The following WDR25 variants were observed in gnomAD, a reference collection of about 807,000 sequenced individuals.
WDR25 encodes the protein WD repeat domain 25.
WDR25 carries 35 observed loss-of-function variants against 47.7 expected under a neutral mutation model. The ratio of observed to expected loss-of-function variants is 0.73; its 90% confidence interval spans 0.56 to 0.97. WDR25 has a LOEUF of 0.97. Ranked by LOEUF, WDR25 falls within the 50% of genes least tolerant of loss-of-function variation. The pLI, the probability that WDR25 is intolerant of heterozygous loss-of-function variation, is 0.00. For synonymous variants in WDR25, 248 were observed against 278.9 expected, an observed-to-expected ratio of 0.89 and a Z score of 1.10; for missense variants, 634 against 704.7, an observed-to-expected ratio of 0.90 and a Z score of 1.14.
In WDR25 at chr14:100,529,807, T is replaced by TG. The variant is rs1354975705; in HGVS notation, c.1414-13_1414-12insG. The TG allele has an allele frequency of 6.2e-7, 1 of 1,609,586 alleles. No individual in the cohort carries two copies. The highest frequency in any genetic ancestry group is 8.5e-7 in the Non-Finnish European group (1 of 1,179,072). On this transcript the variant is annotated splice_polypyrimidine_tract_variant and intron_variant, in intron 6 of 6. Coordinates refer to ENST00000402312, the MANE Select transcript of WDR25 (RefSeq NM_001161476.3). This position sits in a 1 kb window ranked among gnomAD's most constrained non-coding sequence, Gnocchi z 5.1. ...AGGTGCGGCTTGCTCACCCACTGTG[T>TG]CCCTCTCTGCAGGTGGAGGGCTACT...
intron 4 of WDR25, among the ~76,000 whole-genome samples, chr14:100,484,463 G>GGT (rs5810998): frequency 5.5e-4 from 83 of 150,252 alleles, no homozygotes; most frequent in South Asian, 4.9e-3. Context: ...ACAGAGAATT[G>GGT]GTGTGTGTGT....
intron 2 of WDR25, chr14:100,382,134 C>T (rs1233315464): frequency 1.4e-6 from 1 of 702,978 alleles, no homozygotes; most frequent in Non-Finnish European, 2.6e-6. Context: ...GTGCTGGTTT[C>T]AAGGGCTGTT....
intron 2 of WDR25, among the ~76,000 whole-genome samples, chr14:100,459,890 G>GTA (rs1279755565): frequency 0.085 from 4,024 of 47,484 alleles, 366 homozygotes; most frequent in African/African-American, 0.29. Context: ...ATATGTGTGT[G>GTA]TGTGTATATA....
At chr14:100,396,220 C>G (rs1897257400) in intron 2 of WDR25, among the ~76,000 whole-genome samples, 1 of 152,146 alleles carries the variant, frequency 6.6e-6, no homozygotes, top group Non-Finnish European at 1.5e-5. Context: ...TTGTGATCCA[C>G]CTGCCTCAGC....
chr14:100,521,941 C>T lies in WDR25; in HGVS notation c.1102-3929C>T, dbSNP rs373443826. ...GCCACCTAACAAGGGTGTTGCAAAACTTTGGGATTTTGTTAATTTGATAGG... is the reference window on the plus strand; with the variant it reads ...GCCACCTAACAAGGGTGTTGCAAAATTTTGGGATTTTGTTAATTTGATAGG... On this transcript the variant is annotated intron_variant, in intron 4 of 6. Coordinates refer to ENST00000402312, the MANE Select transcript of WDR25 (RefSeq NM_001161476.3). Among the ~76,000 whole-genome samples, 83 of 152,294 alleles carry T rather than the reference C, an allele frequency of 5.4e-4. 2 individuals are homozygous for T. The East Asian group carries it at 0.011, about 20-fold the overall frequency.
chr14:100,381,561 G>A lies in WDR25; in HGVS notation c.637G>A (p.Val213Met), dbSNP rs544294755. ...PAGRAPAPLY[V>M]GPGVSEFIQP... Reference sequence around the variant, plus strand: ...AGGGCGTGCCCCAGCCCCTCTCTACGTGGGCCCGGGAGTGTCTGAGTTTAT... The same window carrying A: ...AGGGCGTGCCCCAGCCCCTCTCTACATGGGCCCGGGAGTGTCTGAGTTTAT... The change falls in exon 2 of 7, where the codon GTG becomes ATG. Residue 213 changes from valine (V) to methionine (M), a missense_variant. Val to Met is a conservative substitution (Grantham distance 21). Transcript: ENST00000402312. 1.2e-5 allele frequency: 19 copies of A among 1,609,728 alleles called. No individual in the cohort carries two copies. The highest frequency in any genetic ancestry group is 1.1e-4 in the East Asian group (5 of 44,672).
intron 2 of WDR25, among the ~76,000 whole-genome samples, chr14:100,416,290 G>A (rs1897866352): frequency 6.6e-6 from 1 of 152,174 alleles, no homozygotes; most frequent in Non-Finnish European, 1.5e-5. Context: ...AATCGTAGAT[G>A]CCCAAATTGT....
chr14:100,396,678 GGGA>G (rs1486419771), intron 2 of WDR25, among the ~76,000 whole-genome samples: 2 of 152,244 alleles, frequency 1.3e-5, no homozygotes, highest in Non-Finnish European at 2.9e-5. Flanking sequence ...CAGCTGCCCA[GGGA>G]GGAGATGAAG....
chr14:100,384,078 C>T lies in WDR25; in HGVS notation c.822+2332C>T, dbSNP rs1307882739. On this transcript the variant is annotated intron_variant, in intron 2 of 6. Coordinates refer to ENST00000402312, the MANE Select transcript of WDR25 (RefSeq NM_001161476.3). ...ACACTGGCATGGGCCCCTTGGGCTG[C>T]CAGGCAGCTTCTGGGGAGCCCCACC... Among the ~76,000 whole-genome samples the T allele has an allele frequency of 5.3e-5, 8 of 152,214 alleles. No homozygotes were observed. The East Asian group carries it at 1.5e-3, about 29-fold the overall frequency.
intron 2 of WDR25, among the ~76,000 whole-genome samples, chr14:100,444,564 GGCCC>G (rs1898770822): frequency 6.6e-6 from 1 of 151,666 alleles, no homozygotes; most frequent in African/African-American, 2.4e-5. Flanking sequence ...CCAGGCCCCA[GGCCC>G]CAGGCCCCAC....
rs1898124652 is a variant in WDR25 at position 100,424,878 on chromosome 14, G to C, written c.822+43132G>C. On this transcript the variant is annotated intron_variant, in intron 2 of 6. Transcript: ENST00000402312. The surrounding 1 kb of genome is among the most constrained non-coding windows in gnomAD (Gnocchi z 4.2). ...CTCAACAAGGTGATGCCTTTCCCAG[G>C]ACATGTGCTCCTGTTGCCCTGCCCC... is the stretch of plus-strand genomic sequence containing the variant. Among the ~76,000 whole-genome samples the C allele has an allele frequency of 6.6e-6, 1 of 152,288 alleles. No homozygotes were observed. Among genetic ancestry groups the C allele is most frequent in the East Asian group, 1.9e-4 (1 of 5,186 alleles).
chr14:100,527,620 G>T (rs2030251370), intron 5 of WDR25, among the ~76,000 whole-genome samples: 1 of 152,214 alleles, frequency 6.6e-6, no homozygotes, highest in African/African-American at 2.4e-5. Flanking sequence ...GAGCTGGAGG[G>T]GCACGTCTGG....
chr14:100,403,553 T>C (rs1897444315), intron 2 of WDR25, among the ~76,000 whole-genome samples: 1 of 152,216 alleles, frequency 6.6e-6, no homozygotes, highest in South Asian at 2.1e-4. Flanking sequence ...CGCAGGGCTG[T>C]TGTGTATGGT....
chr14:100,464,791 A>G (rs1899562391), intron 2 of WDR25, among the ~76,000 whole-genome samples: 2 of 72,130 alleles, frequency 2.8e-5, no homozygotes. Context: ...ATCTCATCTC[A>G]TCTCATCTCA....
intron 2 of WDR25, among the ~76,000 whole-genome samples, chr14:100,448,140 A>C (rs1408178307): frequency 1.4e-5 from 2 of 147,242 alleles, no homozygotes; most frequent in East Asian, 4.1e-4. Flanking sequence ...GGTTGTGGTG[A>C]GCCGAGATCG....
At chr14:100,467,427 C>T (rs1341617180) in intron 2 of WDR25, among the ~76,000 whole-genome samples, 3 of 152,174 alleles carry the variant, frequency 2.0e-5, no homozygotes, top group Non-Finnish European at 4.4e-5. Flanking sequence ...GCAGGACTCC[C>T]ACCCGGCTGC....
chr14:100,490,059 A>G (rs967824667), intron 4 of WDR25, among the ~76,000 whole-genome samples: 7 of 152,118 alleles, frequency 4.6e-5, no homozygotes, highest in African/African-American at 1.7e-4. Flanking sequence ...CTCCTTCTCT[A>G]GCTTTGTCCC....
At chr14:100,453,728 G>A (rs1899114218) in intron 2 of WDR25, among the ~76,000 whole-genome samples, 1 of 152,208 alleles carries the variant, frequency 6.6e-6, no homozygotes, top group Non-Finnish European at 1.5e-5. Flanking sequence ...TCTGCGAAGT[G>A]GGTGTAGCTG....
intron 4 of WDR25, among the ~76,000 whole-genome samples, chr14:100,509,367 T>G (rs1177832612): frequency 2.0e-5 from 3 of 152,218 alleles, no homozygotes; most frequent in Non-Finnish European, 1.5e-5. Context: ...CTAAAATTGT[T>G]TTTAACTTTA....
Sources: allele counts gnomAD v4.1 joint callset (sites outside exome capture counted in the v4.1 genomes callset), GRCh38; gene constraint gnomAD v4.1.1; non-coding constraint Gnocchi (gnomAD v3.1); transcripts MANE v1.5; gene names NCBI Gene and HGNC (gene_info 2026-07-23, HGNC 2026-07-21).